The following PDE4D variants were observed in gnomAD, a reference collection of about 807,000 sequenced individuals.
PDE4D encodes the protein 3',5'-cyclic-AMP phosphodiesterase 4D.
In PDE4D, 24 loss-of-function variants were observed where a neutral mutation model predicts 87.4. The observed-to-expected ratio is 0.27, with a 90% CI of 0.20 to 0.39. The LOEUF is 0.39. Among genes scored for constraint, PDE4D ranks in the 10% least tolerant of loss-of-function variants. PDE4D has a pLI of 1.00. For missense variants in PDE4D, 714 were observed against 1,041.0 expected, an observed-to-expected ratio of 0.69 and a Z score of 4.32; for synonymous variants, 384 against 383.2, an observed-to-expected ratio of 1.00 and a Z score of -0.02.
intron 3 of PDE4D, among the ~76,000 whole-genome samples, chr5:59,914,434 T>C (rs991308620): frequency 6.6e-6 from 1 of 151,868 alleles, no homozygotes; most frequent in Non-Finnish European, 1.5e-5. Flanking sequence ...GCAGACAGGA[T>C]TGTCAGGACA....
intron 1 of PDE4D, chr5:59,276,122 GAAAAAAA>G (rs56153175): frequency 2.9e-5 from 25 of 854,498 alleles, no homozygotes; most frequent in South Asian, 5.5e-5. Context: ...AGTGAGAAAG[GAAAAAAA>G]AAAAAAAAAA....
intron 1 of PDE4D, among the ~76,000 whole-genome samples, chr5:59,624,147 A>G (rs542394415): frequency 1.4e-4 from 22 of 152,262 alleles, no homozygotes; most frequent in African/African-American, 4.8e-4. Flanking sequence ...TGTATTTCAG[A>G]AAAATAAGAT....
At chr5:59,318,029 T>C (rs564465188) in intron 1 of PDE4D, among the ~76,000 whole-genome samples, 2 of 152,310 alleles carry the variant, frequency 1.3e-5, no homozygotes, top group East Asian at 3.9e-4. Context: ...CCTTTTAAGA[T>C]AGTTTTCCTT....
intron 2 of PDE4D, among the ~76,000 whole-genome samples, chr5:59,205,335 A>T (rs940072888): frequency 4.6e-5 from 7 of 152,082 alleles, no homozygotes; most frequent in African/African-American, 1.4e-4. Flanking sequence ...TTCCTTGTTA[A>T]TGTTCTTTAC....
At chr5:59,713,972 C>T (rs1266742698) in intron 1 of PDE4D, among the ~76,000 whole-genome samples, 2 of 152,104 alleles carry the variant, frequency 1.3e-5, no homozygotes, top group Non-Finnish European at 2.9e-5. Context: ...TCTCCAGGTG[C>T]AGGTGGGGTG....
chr5:59,460,693 T>TTCCTTAAGGTC (rs1305886574), intron 1 of PDE4D, among the ~76,000 whole-genome samples: 1 of 152,146 alleles, frequency 6.6e-6, no homozygotes, highest in Non-Finnish European at 1.5e-5. Flanking sequence ...CTTTCCATGC[T>TTCCTTAAGGTC]TCCTTAAGGT....
chr5:59,792,748 A>G (rs186236418), intron 1 of PDE4D, among the ~76,000 whole-genome samples: 1 of 152,300 alleles, frequency 6.6e-6, no homozygotes, highest in East Asian at 1.9e-4. Context: ...CATCATGTAA[A>G]CTAATTGACT....
intron 1 of PDE4D, among the ~76,000 whole-genome samples, chr5:59,811,585 G>A (rs898516547): frequency 6.6e-6 from 1 of 152,118 alleles, no homozygotes; most frequent in South Asian, 2.1e-4. Context: ...ATGAGCTCAG[G>A]TTTCCAGAAA....
intron 5 of PDE4D, among the ~76,000 whole-genome samples, chr5:59,167,101 T>G (rs535917178): frequency 6.6e-6 from 1 of 152,368 alleles, no homozygotes; most frequent in Non-Finnish European, 1.5e-5. Context: ...ATGTAATTCC[T>G]CAAAATTAGG....
Position 58,969,193 on chromosome 5 carries a change from A to G in PDE4D, c.*5471T>C, listed in dbSNP as rs1232795536. 1 of 152,212 alleles carries G rather than the reference A, an allele frequency of 6.6e-6. No homozygotes were observed. The highest frequency in any genetic ancestry group is 1.9e-4 in the East Asian group (1 of 5,198). 9.4% of individuals were successfully genotyped at this position (152,212 alleles called of 1,614,324 possible). A position where few individuals can be genotyped will look rare whatever the true frequency, so the allele number is the denominator to read the frequency against. On this transcript the variant is annotated 3_prime_UTR_variant, in exon 15 of 15. Coordinates refer to ENST00000340635, the MANE Select transcript of PDE4D (RefSeq NM_001104631.2). ...AAGTGCTAGTGATATATTGGTAAGC[A>G]AAGACCTTGCTCTCATGGAGCTGTG...
intron 5 of PDE4D, among the ~76,000 whole-genome samples, chr5:59,157,971 G>C (rs190499336): frequency 6.6e-6 from 1 of 152,226 alleles, no homozygotes; most frequent in East Asian, 1.9e-4. Context: ...AGAAGGAAAG[G>C]GTATTGATTT....
chr5:59,585,263 C>T (rs948134342), intron 1 of PDE4D, among the ~76,000 whole-genome samples: 4 of 152,076 alleles, frequency 2.6e-5, no homozygotes, highest in East Asian at 1.9e-4. Flanking sequence ...AGCTGAAAGC[C>T]GAAAACTCTG....
At chr5:59,882,165 A>G (rs989892006) in intron 1 of PDE4D, among the ~76,000 whole-genome samples, 1 of 152,148 alleles carries the variant, frequency 6.6e-6, no homozygotes, top group Non-Finnish European at 1.5e-5. Flanking sequence ...ATACTCTATT[A>G]CTTCTCAAAC....
chr5:59,864,929 G>A (rs954340761), intron 1 of PDE4D, among the ~76,000 whole-genome samples: 2 of 152,162 alleles, frequency 1.3e-5, no homozygotes, highest in Non-Finnish European at 2.9e-5. Context: ...GCCTGCTCTG[G>A]AGGACTGCAG....
chr5:60,103,953 G>T (rs1042396855), intron 2 of PDE4D, among the ~76,000 whole-genome samples: 4 of 152,166 alleles, frequency 2.6e-5, no homozygotes, highest in African/African-American at 7.2e-5. Flanking sequence ...GGTGACTTCT[G>T]CATTTCCATC....
At chr5:60,083,909 T>C (rs1183857841) in intron 2 of PDE4D, among the ~76,000 whole-genome samples, 1 of 152,208 alleles carries the variant, frequency 6.6e-6, no homozygotes, top group Non-Finnish European at 1.5e-5. Context: ...TTTGTCAAGG[T>C]GACAGCTCTT....
rs552095630 is a variant in PDE4D at position 59,630,945 on chromosome 5, A to G, written c.455+262223T>C. On this transcript the variant is annotated intron_variant, in intron 1 of 14. Coordinates refer to ENST00000340635, the MANE Select transcript of PDE4D (RefSeq NM_001104631.2). ...TTTTTTTTCCCTAGAAAATGTAGCT[A>G]ACAATTTCTATGTCTCATATTTGTG... 9.9e-5 allele frequency among the ~76,000 whole-genome samples: 15 copies of G among 152,254 alleles called. No individual in the cohort carries two copies. The South Asian group carries it at 1.9e-3, about 19-fold the overall frequency.
intron 2 of PDE4D, among the ~76,000 whole-genome samples, chr5:60,005,817 G>A (rs892477779): frequency 7.7e-5 from 5 of 64,560 alleles, no homozygotes; most frequent in Admixed American, 7.5e-4. Context: ...TCTGTAAGAT[G>A]TATGACCCAG....
chr5:59,387,654 T>C (rs1787359295), intron 1 of PDE4D, among the ~76,000 whole-genome samples: 1 of 152,128 alleles, frequency 6.6e-6, no homozygotes, highest in African/African-American at 2.4e-5. Flanking sequence ...AAAAGGTATA[T>C]ATATATTTAA....
Sources: allele counts gnomAD v4.1 joint callset (sites outside exome capture counted in the v4.1 genomes callset), GRCh38; gene constraint gnomAD v4.1.1; transcripts MANE v1.5; gene names NCBI Gene and HGNC (gene_info 2026-07-23, HGNC 2026-07-21).